Variants in GPC6 observed in about 807,000 individuals in gnomAD.
The protein encoded by GPC6 is glypican-6.
A neutral mutation model predicts 55.2 loss-of-function variants in GPC6; 14 were observed. The ratio of observed to expected loss-of-function variants is 0.25; its 90% CI spans 0.17 to 0.40. The LOEUF is 0.40. Among genes scored for constraint, GPC6 ranks in the 10% least tolerant of loss-of-function variants. The probability of loss-of-function intolerance (pLI) is 1.00; values close to 1 mark genes in which losing one functional copy is unlikely to be tolerated. For synonymous variants in GPC6, 278 were observed against 259.6 expected (o/e 1.07, Z -0.68); for missense variants, 641 against 708.5 (o/e 0.90, Z 1.08).
chr13:93,686,881 A>G (rs994028801), intron 2 of GPC6, among the ~76,000 whole-genome samples: 4 of 152,066 alleles, frequency 2.6e-5, no homozygotes, highest in South Asian at 4.1e-4. Flanking sequence ...GTTTTTAGCA[A>G]TCAATCTTTA....
chr13:94,182,543 T>C (rs183907784), intron 4 of GPC6, among the ~76,000 whole-genome samples: 9 of 152,314 alleles, frequency 5.9e-5, no homozygotes, highest in African/African-American at 1.9e-4. Context: ...GTGAACATTA[T>C]GACTTGGCTT....
intron 1 of GPC6, among the ~76,000 whole-genome samples, chr13:93,435,373 C>T (rs755091032): frequency 9.9e-5 from 15 of 152,108 alleles, no homozygotes; most frequent in Non-Finnish European, 1.5e-5. Context: ...ACCTTAGCCT[C>T]CCAAGGCACT....
chr13:93,596,634 T>TAA (rs1452758186), intron 2 of GPC6, among the ~76,000 whole-genome samples: 6 of 131,080 alleles, frequency 4.6e-5, no homozygotes, highest in African/African-American at 1.6e-4. Context: ...TATATATATA[T>TAA]AATGTATATG....
intron 2 of GPC6, among the ~76,000 whole-genome samples, chr13:93,803,728 G>C (rs7317144): frequency 2.1e-3 from 313 of 152,090 alleles, no homozygotes; most frequent in African/African-American, 7.0e-3. Flanking sequence ...TGGAGTAACC[G>C]TACAGTGGAA....
chr13:93,410,225 T>A (rs1249623348), intron 1 of GPC6, among the ~76,000 whole-genome samples: 2 of 152,182 alleles, frequency 1.3e-5, no homozygotes, highest in East Asian at 3.8e-4. Context: ...ATGGCCCAAT[T>A]GATTATTCAT....
At chr13:93,524,815 T>C (rs893404436) in intron 1 of GPC6, among the ~76,000 whole-genome samples, 4 of 152,078 alleles carry the variant, frequency 2.6e-5, no homozygotes, top group Admixed American at 2.0e-4. Flanking sequence ...TAATTCTTTT[T>C]CCCATAGCAT....
chr13:94,266,657 C>A (rs1233215221), intron 4 of GPC6, among the ~76,000 whole-genome samples: 2 of 152,090 alleles, frequency 1.3e-5, no homozygotes, highest in African/African-American at 4.8e-5. Context: ...CTTAAATGCT[C>A]TTTCTTCAAG....
chr13:93,578,384 T>C (rs1876768261), intron 2 of GPC6, among the ~76,000 whole-genome samples: 1 of 152,064 alleles, frequency 6.6e-6, no homozygotes, highest in Non-Finnish European at 1.5e-5. Context: ...TATTTATTAT[T>C]AGTTTGTTGA....
chr13:94,136,565 T>C (rs1593972876), intron 4 of GPC6, among the ~76,000 whole-genome samples: 1 of 151,800 alleles, frequency 6.6e-6, no homozygotes, highest in South Asian at 2.1e-4. Context: ...AAAAAATTAG[T>C]TGGGTATGGT....
intron 1 of GPC6, among the ~76,000 whole-genome samples, chr13:93,487,473 A>G (rs1879772772): frequency 6.6e-6 from 1 of 152,184 alleles, no homozygotes; most frequent in African/African-American, 2.4e-5. Flanking sequence ...TCTTAATATT[A>G]TTGCTGTTAT....
chr13:94,142,976 G>A (rs150094298), intron 4 of GPC6, among the ~76,000 whole-genome samples: 22 of 151,598 alleles, frequency 1.5e-4, no homozygotes, highest in African/African-American at 4.1e-4. Context: ...CTACAGGCAC[G>A]TGCCACCACG....
chr13:93,505,901 G>A (rs1402955749), intron 1 of GPC6, among the ~76,000 whole-genome samples: 5 of 152,164 alleles, frequency 3.3e-5, no homozygotes, highest in African/African-American at 9.7e-5. Context: ...TTGCAAAACA[G>A]GACCTGCAAA....
At chr13:93,292,059 T>G (rs1878336243) in intron 1 of GPC6, among the ~76,000 whole-genome samples, 1 of 152,206 alleles carries the variant, frequency 6.6e-6, no homozygotes, top group South Asian at 2.1e-4. Flanking sequence ...TTCTAATTTG[T>G]AAATGAGGGT....
chr13:93,262,848 A>G (rs1311114132), intron 1 of GPC6, among the ~76,000 whole-genome samples: 2 of 152,128 alleles, frequency 1.3e-5, no homozygotes, highest in East Asian at 3.9e-4. Flanking sequence ...TCTTGATGCC[A>G]TTGCAAGAAG....
At chr13:94,355,714 C>A (rs566182206) in intron 6 of GPC6, among the ~76,000 whole-genome samples, 49 of 151,878 alleles carry the variant, frequency 3.2e-4, no homozygotes, top group African/African-American at 1.2e-3. Flanking sequence ...TGCTTCCAGT[C>A]CCCCCCTCCA....
chr13:93,569,469 C>T (rs1876293609), intron 2 of GPC6, among the ~76,000 whole-genome samples: 1 of 151,648 alleles, frequency 6.6e-6, no homozygotes, highest in African/African-American at 2.4e-5. Context: ...GATCTGATCA[C>T]TGATAAGATT....
chr13:93,632,548 C>CAGTGAACTGCAATCCTACT (rs1226840374), intron 2 of GPC6, among the ~76,000 whole-genome samples: 1 of 55,160 alleles, frequency 1.8e-5, no homozygotes, highest in Non-Finnish European at 7.0e-5. Context: ...ATGTTGAGAC[C>CAGTGAACTGCAATCCTACT]ACTGCACTCC....
At chr13:94,276,399 AG>A (rs1892204742) in intron 4 of GPC6, among the ~76,000 whole-genome samples, 1 of 152,104 alleles carries the variant, frequency 6.6e-6, no homozygotes, top group African/African-American at 2.4e-5. Flanking sequence ...ATCCTTGTTT[AG>A]GGGGCAGAGG....
chr13:93,896,590 A>G (rs1256187230), intron 3 of GPC6, among the ~76,000 whole-genome samples: 1 of 152,098 alleles, frequency 6.6e-6, no homozygotes, highest in Admixed American at 6.6e-5. Flanking sequence ...TAAATGTTAT[A>G]TTTCAGAAGC....
Sources: allele counts gnomAD v4.1 joint callset (sites outside exome capture counted in the v4.1 genomes callset), GRCh38; gene constraint gnomAD v4.1.1; transcripts MANE v1.5; gene names NCBI Gene and HGNC (gene_info 2026-07-23, HGNC 2026-07-21).